SRP72: variants seen among roughly 807,000 people sequenced by gnomAD.
SRP72 encodes signal recognition particle subunit SRP72.
A neutral mutation model predicts 96.3 loss-of-function variants in SRP72; 49 were observed. The observed-to-expected ratio is 0.51, with a 90% confidence interval of 0.40 to 0.65. The LOEUF is 0.65. Ranked by LOEUF, SRP72 falls within the 30% of genes least tolerant of loss-of-function variation. SRP72 has a pLI of 0.00. For missense variants in SRP72, 736 were observed against 793.3 expected, an observed-to-expected ratio of 0.93 and a Z score of 0.87; for synonymous variants, 267 against 275.2, an observed-to-expected ratio of 0.97 and a Z score of 0.30.
rs1437399872 is a variant in SRP72, at chr4:56,488,053, T to C, written c.1224+40T>C. 5.6e-6 allele frequency: 8 copies of C among 1,423,772 alleles called. No individual in the cohort carries two copies. In the Admixed American group the frequency reaches 8.2e-5, roughly 15 times the overall value. 88.2% of individuals were successfully genotyped at this position (1,423,772 alleles called of 1,614,324 possible). On this transcript the variant is annotated intron_variant, in intron 12 of 18. Coordinates refer to ENST00000642900, the MANE Select transcript of SRP72 (RefSeq NM_006947.4). The stretch of plus-strand genomic sequence containing the variant: ...TTACAAAATTGAAAAGTAGTTGAAT[T>C]GATAATTTGTATGTCTAATGTGTAT...
intron 17 of SRP72, 30 bp from the exon 18 acceptor site, chr4:56,500,506 A>G (rs201158077): frequency 1.9e-6 from 3 of 1,602,104 alleles, no homozygotes; most frequent in Admixed American, 1.7e-5. Context: ...ATTATGACAC[A>G]TCTCTCATTT....
At chr4:56,473,948 T>C in intron 3 of SRP72, 106 bp from the exon 4 acceptor site, 1 of 1,078,302 alleles carries the variant, frequency 9.3e-7, no homozygotes, top group Non-Finnish European at 1.3e-6. Flanking sequence ...GTTCATGTTA[T>C]GCTGAACTAG....
At chr4:56,484,885 A>C in intron 10 of SRP72, 21 bp downstream of exon 10, 12 of 1,605,158 alleles carry the variant, frequency 7.5e-6, no homozygotes, top group Non-Finnish European at 1.0e-5. Context: ...TACTTGAATG[A>C]GGTGTCAGAC....
intron 5 of SRP72, 30 bp from the exon 6 acceptor site, chr4:56,476,641 A>G (rs1017042144): frequency 1.9e-6 from 3 of 1,610,198 alleles, no homozygotes; most frequent in Non-Finnish European, 8.5e-7. Context: ...ACCCAGCAAT[A>G]CTACTTTTAA....
intron 2 of SRP72, among the ~76,000 whole-genome samples, chr4:56,470,633 T>C (rs562945919): frequency 6.6e-6 from 1 of 152,278 alleles, no homozygotes; most frequent in East Asian, 1.9e-4. Flanking sequence ...CTTTTTCTTT[T>C]TATATTTGAG....
chr4:56,470,894 C>T (rs1055061210), intron 2 of SRP72, among the ~76,000 whole-genome samples: 13 of 150,872 alleles, frequency 8.6e-5, no homozygotes, highest in Non-Finnish European at 1.5e-4. Context: ...CTCCACCTTC[C>T]GGGTTCACGC....
At chr4:56,487,041 A>C (rs919485511) in intron 11 of SRP72, among the ~76,000 whole-genome samples, 1 of 152,208 alleles carries the variant, frequency 6.6e-6, no homozygotes, top group African/African-American at 2.4e-5. Context: ...ACATCTTAGA[A>C]GCTTAGTAGC....
At chr4:56,499,747 A>G (rs1334355381) in intron 17 of SRP72, among the ~76,000 whole-genome samples, 4 of 152,224 alleles carry the variant, frequency 2.6e-5, no homozygotes, top group African/African-American at 9.6e-5. Context: ...AGAAATAGGA[A>G]CACTTTAACA....
chr4:56,499,164 A>G (rs543736388), intron 17 of SRP72, among the ~76,000 whole-genome samples: 3 of 152,346 alleles, frequency 2.0e-5, no homozygotes, highest in South Asian at 2.1e-4. Context: ...CAATGGGGAA[A>G]GGATTCTAGC....
intron 5 of SRP72, chr4:56,476,447 G>T: frequency 5.7e-6 from 3 of 523,436 alleles, no homozygotes; most frequent in Non-Finnish European, 9.9e-6. Context: ...AATATTTTTA[G>T]CACAGACACA....
At position 56,483,292 on chromosome 4, in the gene SRP72, C is replaced by A; in HGVS notation, c.957+22C>A. 1.9e-6 allele frequency: 3 copies of A among 1,607,516 alleles called. No homozygotes were observed. The South Asian group carries it at 3.3e-5, about 18-fold the overall frequency. ...CCAGGTGGGTAATTACCTTTGGTGT[C>A]ATGGCTAAACCTTTTGTAATATGGT... is the stretch of plus-strand genomic sequence containing the variant. On this transcript the variant is annotated intron_variant, in intron 9 of 18. Transcript: ENST00000642900.
chr4:56,468,653 C>T (rs923161740), intron 1 of SRP72, among the ~76,000 whole-genome samples: 1 of 152,142 alleles, frequency 6.6e-6, no homozygotes, highest in African/African-American at 2.4e-5. Flanking sequence ...TAATTTTCAA[C>T]ACTCTAGTAC....
At chr4:56,495,520 C>A in intron 17 of SRP72, 126 bp downstream of exon 17, 1 of 506,070 alleles carries the variant, frequency 2.0e-6, no homozygotes, top group Non-Finnish European at 3.5e-6. Context: ...TTTATCTTGA[C>A]TATAGCTAAC....
At chr4:56,473,967 C>A in intron 3 of SRP72, 87 bp from the exon 4 acceptor site, 1 of 1,338,920 alleles carries the variant, frequency 7.5e-7, no homozygotes. Flanking sequence ...AGGATTCCTA[C>A]TTAGTGGTTC....
chr4:56,490,513 A>G (rs1381194559), intron 14 of SRP72, 55 bp from the exon 15 acceptor site: 3 of 1,600,394 alleles, frequency 1.9e-6, no homozygotes, highest in Middle Eastern at 1.7e-4. Context: ...ACTTGTTTAT[A>G]TTACTTTCTC....
In SRP72 at chr4:56,489,457, G is replaced by A. The variant is rs201102960; in HGVS notation, c.1294G>A (p.Ala432Thr). 3.3e-5 allele frequency: 53 copies of A among 1,599,132 alleles called. No homozygotes were observed. The African/African-American group carries it at 6.0e-4, about 18-fold the overall frequency. ...IDSAIEVFTQ[A>T]IQWYQNHQPK... ...TAGTGCCATTGAGGTCTTCACACAA[G>A]CTATCCAGTGGTATCAAAACCATCA... The change falls in exon 13 of 19, where the codon GCT becomes ACT. Residue 432 changes from alanine to threonine, a missense_variant. This residue lies in a region of SRP72 where 388 missense variants were observed against 431.8 expected (regional missense o/e 0.90). Coordinates refer to ENST00000642900, the MANE Select transcript of SRP72 (RefSeq NM_006947.4).
intron 2 of SRP72, 24 bp downstream of exon 2, chr4:56,469,797 G>T (rs761915089): frequency 1.3e-6 from 2 of 1,574,196 alleles, no homozygotes; most frequent in Non-Finnish European, 8.7e-7. Flanking sequence ...TTAGTTGCTT[G>T]TACAGTTATT....
intron 18 of SRP72, among the ~76,000 whole-genome samples, chr4:56,501,159 G>A (rs1000030531): frequency 6.6e-6 from 1 of 152,146 alleles, no homozygotes; most frequent in Non-Finnish European, 1.5e-5. Flanking sequence ...TGTAATCCCA[G>A]CACTTTGGGA....
intron 2 of SRP72, 21 bp from the exon 3 acceptor site, chr4:56,471,699 T>C: frequency 6.2e-7 from 1 of 1,610,340 alleles, no homozygotes; most frequent in Non-Finnish European, 8.5e-7. Context: ...AATCAGATAC[T>C]GTTTTTTTTT....
Sources: allele counts gnomAD v4.1 joint callset (sites outside exome capture counted in the v4.1 genomes callset), GRCh38; gene constraint gnomAD v4.1.1; regional missense constraint gnomAD v4.1.1; transcripts MANE v1.5; gene names NCBI Gene and HGNC (gene_info 2026-07-23, HGNC 2026-07-21).